Variants in TOX observed in about 807,000 individuals in gnomAD.
TOX encodes the protein thymocyte selection associated high mobility group box.
A neutral mutation model predicts 53.7 loss-of-function variants in TOX; 11 were observed. The ratio of observed to expected loss-of-function variants is 0.20; its 90% CI spans 0.13 to 0.34. The LOEUF is 0.34. Among genes scored for constraint, TOX ranks in the 10% least tolerant of loss-of-function variants. The pLI, the probability that TOX is intolerant of heterozygous loss-of-function variation, is 1.00. For missense variants in TOX, 570 were observed against 664.6 expected (o/e 0.86, Z 1.56); for synonymous variants, 225 against 245.3 (o/e 0.92, Z 0.77).
Position 58,853,386 on chromosome 8 carries a change from G to T in TOX, c.412-1581C>A, listed in dbSNP as rs944149794. On this transcript the variant is annotated intron_variant, in intron 3 of 8. Coordinates refer to ENST00000361421, the MANE Select transcript of TOX (RefSeq NM_014729.3). ...CAGCTTTTACTATTCAATGGTGCAT[G>T]CAAGAGCTGCAAAGGCTCTTGGTGA... 7.9e-5 allele frequency among the ~76,000 whole-genome samples: 12 copies of T among 152,292 alleles called. No individual in the cohort carries two copies. In the South Asian group the frequency reaches 2.3e-3, roughly 29 times the overall value.
chr8:58,976,905 G>T (rs1813111197), intron 1 of TOX, among the ~76,000 whole-genome samples: 1 of 152,192 alleles, frequency 6.6e-6, no homozygotes, highest in African/African-American at 2.4e-5. Flanking sequence ...GCTGTAAAAG[G>T]ATGTACTGTC....
chr8:58,905,726 C>T (rs1003446555), intron 3 of TOX, among the ~76,000 whole-genome samples: 1 of 152,200 alleles, frequency 6.6e-6, no homozygotes, highest in Non-Finnish European at 1.5e-5. Context: ...GCCATGCTTG[C>T]ATTATTCCTT....
At chr8:58,928,250 G>A (rs1274955400) in intron 3 of TOX, among the ~76,000 whole-genome samples, 1 of 152,210 alleles carries the variant, frequency 6.6e-6, no homozygotes, top group Non-Finnish European at 1.5e-5. Context: ...CTATTAGCTG[G>A]GAAATACAGG....
intron 4 of TOX, among the ~76,000 whole-genome samples, chr8:58,839,433 C>T (rs1454451978): frequency 6.6e-6 from 1 of 152,128 alleles, no homozygotes; most frequent in Admixed American, 6.5e-5. Flanking sequence ...TCCCATGTTC[C>T]TAAAGTATGA....
At chr8:58,929,447 C>T (rs1022779530) in intron 3 of TOX, among the ~76,000 whole-genome samples, 5 of 151,770 alleles carry the variant, frequency 3.3e-5, no homozygotes, top group Non-Finnish European at 5.9e-5. Flanking sequence ...GTAGGTAATG[C>T]TTGTCCACGT....
At chr8:59,030,717 C>T (rs928366981) in intron 1 of TOX, among the ~76,000 whole-genome samples, 12 of 152,092 alleles carry the variant, frequency 7.9e-5, no homozygotes, top group African/African-American at 2.2e-4. Context: ...CATGTTCCAA[C>T]GGTAATAAAA....
At chr8:59,085,882 G>A (rs1378618863) in intron 1 of TOX, among the ~76,000 whole-genome samples, 1 of 150,836 alleles carries the variant, frequency 6.6e-6, no homozygotes, top group African/African-American at 2.4e-5. Flanking sequence ...ACAAACTTTT[G>A]TTCCTCTGGT....
intron 1 of TOX, among the ~76,000 whole-genome samples, chr8:59,067,648 C>T (rs1398500280): frequency 6.6e-6 from 1 of 152,020 alleles, no homozygotes; most frequent in Non-Finnish European, 1.5e-5. Context: ...TTCCAAAGTG[C>T]TCTTCGTAAA....
intron 3 of TOX, among the ~76,000 whole-genome samples, chr8:58,910,539 G>A (rs1178692832): frequency 6.6e-6 from 1 of 152,138 alleles, no homozygotes; most frequent in Non-Finnish European, 1.5e-5. Flanking sequence ...CTAGCAGGTG[G>A]CTCATATTTT....
chr8:58,992,535 T>A (rs1309008295), intron 1 of TOX, among the ~76,000 whole-genome samples: 1 of 152,204 alleles, frequency 6.6e-6, no homozygotes, highest in Admixed American at 6.5e-5. Context: ...TATGGATTCA[T>A]GGTCAGCTAT....
At chr8:58,865,723 C>T (rs1015511161) in intron 3 of TOX, among the ~76,000 whole-genome samples, 6 of 150,996 alleles carry the variant, frequency 4.0e-5, no homozygotes, top group African/African-American at 1.2e-4. Flanking sequence ...TGTTTGGAGT[C>T]GTTAGTAGAG....
intron 1 of TOX, among the ~76,000 whole-genome samples, chr8:59,110,387 T>A (rs987852933): frequency 4.2e-5 from 6 of 143,484 alleles, no homozygotes; most frequent in African/African-American, 1.6e-4. Flanking sequence ...ATCGGTGTTT[T>A]TCAATGGTAT....
intron 1 of TOX, among the ~76,000 whole-genome samples, chr8:58,979,849 T>C (rs139513044): frequency 1.7e-3 from 256 of 152,296 alleles, no homozygotes; most frequent in Admixed American, 8.2e-3. Context: ...GAGACAATAG[T>C]GCCTATCTCA....
At chr8:59,095,054 T>C (rs1014877462) in intron 1 of TOX, among the ~76,000 whole-genome samples, 1 of 152,236 alleles carries the variant, frequency 6.6e-6, no homozygotes, top group Non-Finnish European at 1.5e-5. Context: ...CACTGTCTTA[T>C]ATCATCATTT....
chr8:59,047,256 G>A (rs1415766102), intron 1 of TOX, among the ~76,000 whole-genome samples: 11 of 113,870 alleles, frequency 9.7e-5, no homozygotes, highest in Admixed American at 1.3e-4. Context: ...TCGCTCTGTC[G>A]CCCAGGCTGG....
At chr8:58,990,186 A>T (rs899662707) in intron 1 of TOX, among the ~76,000 whole-genome samples, 2 of 152,222 alleles carry the variant, frequency 1.3e-5, no homozygotes, top group Non-Finnish European at 2.9e-5. Context: ...TGAGGCACAG[A>T]GCAGGTAAAG....
chr8:58,955,368 A>G (rs866919910), intron 2 of TOX, among the ~76,000 whole-genome samples: 23 of 152,274 alleles, frequency 1.5e-4, no homozygotes, highest in African/African-American at 5.5e-4. Context: ...GGAAAGAAGA[A>G]GGAAGAAAGG....
At chr8:58,886,243 T>G (rs910092781) in intron 3 of TOX, among the ~76,000 whole-genome samples, 1 of 152,144 alleles carries the variant, frequency 6.6e-6, no homozygotes, top group African/African-American at 2.4e-5. Context: ...TCATACATGC[T>G]AAATTCTTGA....
chr8:59,050,671 T>G (rs1207593913), intron 1 of TOX, among the ~76,000 whole-genome samples: 2 of 152,152 alleles, frequency 1.3e-5, no homozygotes, highest in Non-Finnish European at 2.9e-5. Context: ...GTTCTCAGGG[T>G]CAAGAGAAGC....
Sources: gnomAD v4.1 joint callset for allele counts (sites outside exome capture counted in the v4.1 genomes callset) on GRCh38, gnomAD v4.1.1 for gene constraint, MANE v1.5 for transcripts, NCBI Gene and HGNC (gene_info 2026-07-23, HGNC 2026-07-21) for gene names.